LRRK2: variants seen among roughly 807,000 people sequenced by gnomAD.
LRRK2 encodes leucine rich repeat kinase 2.
Under a neutral mutation model 302.6 loss-of-function variants are expected in LRRK2, and 203 were observed. That is an observed-to-expected ratio of 0.67 (90% CI 0.60 to 0.75). The LOEUF is 0.75. LRRK2 is among the 30% of genes least tolerant of loss of function. The pLI is 0.00. For missense variants in LRRK2, 2,830 were observed against 2,951.0 expected, an observed-to-expected ratio of 0.96 and a Z score of 0.95; for synonymous variants, 1,066 against 1,031.9, an observed-to-expected ratio of 1.03 and a Z score of -0.63.
Position 40,346,779 on chromosome 12 carries a change from G to C in LRRK2, c.6136G>C (p.Gly2046Arg), listed in dbSNP as rs1203058129. 9 of 1,613,748 alleles carry C rather than the reference G, an allele frequency of 5.6e-6. No homozygotes were observed. The highest frequency in any genetic ancestry group is 7.6e-6 in the Non-Finnish European group (9 of 1,179,904). Residue 2046 changes from glycine (G) to arginine (R), a missense_variant, in exon 42 of 51, where the codon GGA becomes CGA. This residue lies in a region of LRRK2 where 253 missense variants were observed against 346.7 expected (regional missense o/e 0.73). Transcript: ENST00000298910. ...PGFRAPEVAR[G>R]NVIYNQQADV... ...GTTTCGTGCACCTGAAGTTGCCAGA[G>C]GAAATGTCATTTATAACCAACAGGC...
At position 40,319,758 on chromosome 12, in the gene LRRK2, T is replaced by G. The variant is rs1896254; in HGVS notation, c.4828-230T>G. ...GTTTCAGTGAAGTTCAATGATTTCC[T>G]ATCCGAATTAACTCCCTTAATTTAA... is the stretch of plus-strand genomic sequence containing the variant. On this transcript the variant is annotated intron_variant, in intron 33 of 50. Transcript: ENST00000298910. 0.57 allele frequency among the ~76,000 whole-genome samples: 86,015 copies of G among 151,704 alleles called. 24,532 individuals carry two copies. The highest frequency in any genetic ancestry group is 0.7 in the South Asian group (3,352 of 4,818).
In LRRK2 at chr12:40,364,859, A is replaced by G. The variant is rs762725778; in HGVS notation, c.7199A>G (p.Glu2400Gly). 6.2e-7 allele frequency: 1 copy of G among 1,611,810 alleles called. No individual in the cohort carries two copies. The highest frequency in any genetic ancestry group is 1.3e-5 in the African/African-American group (1 of 74,942). ...VHFLREVMVK[E>G]NKESKHKMSY... ...GGTTCTAGGGAGGTAATGGTAAAAG[A>G]AAACAAGGAATCAAAACACAAAATG... Residue 2400 changes from glutamate to glycine, a missense_variant, in exon 49 of 51, where the codon GAA becomes GGA. Glu to Gly is a moderately conservative substitution (Grantham distance 98, BLOSUM62 -2). Around this residue, in one of 3 missense-constraint regions of LRRK2, gnomAD observed 456 missense variants for 456.3 expected, o/e 1.00. Coordinates refer to ENST00000298910, the MANE Select transcript of LRRK2 (RefSeq NM_198578.4).
intron 10 of LRRK2, among the ~76,000 whole-genome samples, chr12:40,252,452 T>C (rs1228166185): frequency 1.3e-5 from 2 of 152,204 alleles, no homozygotes; most frequent in Admixed American, 1.3e-4. Flanking sequence ...GAGATTCATG[T>C]CGCAGTTTAT....
intron 28 of LRRK2, among the ~76,000 whole-genome samples, chr12:40,307,489 G>T (rs937482800): frequency 2.6e-5 from 4 of 151,912 alleles, no homozygotes; most frequent in Non-Finnish European, 5.9e-5. Flanking sequence ...AAGATCATTA[G>T]GAATGAAAGC....
chr12:40,298,532 A>G, intron 24 of LRRK2, 39 bp downstream of exon 24: 1 of 1,611,588 alleles, frequency 6.2e-7, no homozygotes, highest in Non-Finnish European at 8.5e-7. Flanking sequence ...GGTTGCCTAA[A>G]TATGCTGATG....
chr12:40,280,117 CA>C (rs1463376993), intron 18 of LRRK2, among the ~76,000 whole-genome samples: 1 of 152,112 alleles, frequency 6.6e-6, no homozygotes, highest in Non-Finnish European at 1.5e-5. Flanking sequence ...AGGTAAAACT[CA>C]TCAAATCACA....
intron 39 of LRRK2, among the ~76,000 whole-genome samples, chr12:40,334,310 A>G (rs2136935602): frequency 6.6e-6 from 1 of 152,284 alleles, no homozygotes; most frequent in East Asian, 1.9e-4. Context: ...GGAAAAATAG[A>G]ACTTAAAAAT....
intron 2 of LRRK2, among the ~76,000 whole-genome samples, chr12:40,228,887 G>A (rs564685158): frequency 1.3e-4 from 20 of 152,258 alleles, no homozygotes; most frequent in Non-Finnish European, 2.6e-4. Context: ...CTGTCATAGC[G>A]AAGTGAGAGT....
intron 3 of LRRK2, among the ~76,000 whole-genome samples, chr12:40,235,369 G>T (rs904027728): frequency 2.6e-5 from 4 of 152,202 alleles, no homozygotes; most frequent in Admixed American, 2.6e-4. Flanking sequence ...CAACTCAGGA[G>T]GCTGAGGCAG....
intron 33 of LRRK2, among the ~76,000 whole-genome samples, chr12:40,319,287 T>TA (rs1772945342): frequency 6.6e-6 from 1 of 152,088 alleles, no homozygotes; most frequent in Non-Finnish European, 1.5e-5. Flanking sequence ...AGCTGTGCAG[T>TA]AAAGAAATCA....
chr12:40,363,296 T>A, intron 47 of LRRK2, 106 bp from the exon 48 acceptor site: 1 of 964,478 alleles, frequency 1.0e-6, no homozygotes, highest in Non-Finnish European at 1.5e-6. Flanking sequence ...TGTTTAGTTT[T>A]CAAAATAGTG....
intron 14 of LRRK2, among the ~76,000 whole-genome samples, chr12:40,267,022 T>C (rs889139858): frequency 2.0e-5 from 3 of 151,162 alleles, no homozygotes; most frequent in Non-Finnish European, 4.4e-5. Flanking sequence ...TTTGGAGATA[T>C]ACCTAATGTT....
chr12:40,298,825 A>C (rs534507062), intron 24 of LRRK2, among the ~76,000 whole-genome samples: 4 of 118,922 alleles, frequency 3.4e-5, no homozygotes, highest in Non-Finnish European at 5.1e-5. Flanking sequence ...TATATAATAC[A>C]TATATTATAT....
rs556654140 is a variant in LRRK2, at chr12:40,362,803, G to T, written c.7029-599G>T. 3.3e-5 allele frequency among the ~76,000 whole-genome samples: 5 copies of T among 152,038 alleles called. No homozygotes were observed. The East Asian group carries it at 7.8e-4, about 24-fold the overall frequency. ...GAAAGGGAAATATTTTAAGGTGTTC[G>T]TAATTTTTCTTTATGTTTAAAAGGG... On this transcript the variant is annotated intron_variant, in intron 47 of 50. Coordinates refer to ENST00000298910, the MANE Select transcript of LRRK2 (RefSeq NM_198578.4).
chr12:40,305,469 C>A (rs918614982), intron 27 of LRRK2, among the ~76,000 whole-genome samples: 4 of 152,182 alleles, frequency 2.6e-5, no homozygotes, highest in African/African-American at 9.6e-5. Flanking sequence ...TAACCAAATC[C>A]ATTTTGTGGT....
rs1491426750 is a variant in LRRK2 at position 40,293,894 on chromosome 12, C to CATAT, written c.2808+232_2808+233insTATA. 0.021 allele frequency among the ~76,000 whole-genome samples: 1,473 copies of CATAT among 70,584 alleles called. 45 individuals carry two copies. Among genetic ancestry groups the CATAT allele is most frequent in the African/African-American group, 0.065 (1,280 of 19,766 alleles). 46.3% of individuals were successfully genotyped at this position (70,584 alleles called of 152,430 possible). On this transcript the variant is annotated intron_variant, in intron 21 of 50. Transcript: ENST00000298910. ...TATGCAGGGTATGAATTTTTTGGGG[C>CATAT]ACATATATATATATATATATACTTA... is the stretch of plus-strand genomic sequence containing the variant.
Position 40,278,271 on chromosome 12 carries a change from C to T in LRRK2, c.2241+10C>T. ...TTCTTTAATTTGTCAGGTAAATATT[C>T]AAGGCCTCACTTTTGTCTTTGCTCA... On this transcript the variant is annotated intron_variant, in intron 18 of 50. Transcript: ENST00000298910. 1 of 1,614,024 alleles carries T rather than the reference C, an allele frequency of 6.2e-7. No homozygotes were observed. Among genetic ancestry groups the T allele is most frequent in the Non-Finnish European group, 8.5e-7 (1 of 1,179,944 alleles).
intron 7 of LRRK2, 62 bp downstream of exon 7, chr12:40,243,743 A>ATGTTT: frequency 7.0e-6 from 10 of 1,423,598 alleles, no homozygotes; most frequent in Non-Finnish European, 8.9e-6. Flanking sequence ...TATAAAACAT[A>ATGTTT]TATATGTTGC....
In LRRK2 at chr12:40,303,962, A is replaced by G. The variant is rs1237382324; in HGVS notation, c.3605A>G (p.Asp1202Gly). The change falls in exon 27 of 51, where the codon GAT (aspartate) becomes GGT (glycine). Residue 1202 changes from aspartate (D) to glycine (G), a missense_variant. Asp to Gly is a moderately conservative substitution (Grantham distance 94). Transcript: ENST00000298910. Reference sequence around the variant, plus strand: ...TATTGTTTTAGCTTGCGGTCTTTAGATATGAGCAGCAATGATATTCAGTAC... The same window carrying G: ...TATTGTTTTAGCTTGCGGTCTTTAGGTATGAGCAGCAATGATATTCAGTAC... ...ILNLPHLRSLDMSSNDIQYLP... is the reference protein window; with the variant it reads ...ILNLPHLRSLGMSSNDIQYLP... 6.2e-7 allele frequency: 1 copy of G among 1,613,694 alleles called. No individual in the cohort carries two copies. Among genetic ancestry groups the G allele is most frequent in the East Asian group, 2.2e-5 (1 of 44,838 alleles).
Sources: allele counts gnomAD v4.1 joint callset (sites outside exome capture counted in the v4.1 genomes callset), GRCh38; gene constraint gnomAD v4.1.1; regional missense constraint gnomAD v4.1.1; transcripts MANE v1.5; gene names NCBI Gene and HGNC (gene_info 2026-07-23, HGNC 2026-07-21).